Variants in SH3GL2 observed in about 807,000 individuals in gnomAD.
SH3GL2 encodes endophilin-A1.
In SH3GL2, 24 loss-of-function variants were observed where a neutral mutation model predicts 46.0. The observed-to-expected ratio is 0.52, with a 90% CI of 0.38 to 0.73. SH3GL2 has a LOEUF of 0.73. SH3GL2 is among the 30% of genes least tolerant of loss of function. The probability of loss-of-function intolerance (pLI) is 0.00; values close to 1 mark genes in which losing one functional copy is unlikely to be tolerated. For missense variants in SH3GL2, 413 were observed against 424.2 expected (o/e 0.97, Z 0.23); for synonymous variants, 196 against 147.1 (o/e 1.33, Z -2.40).
chr9:17,735,088 A>G (rs1483432543), intron 1 of SH3GL2, among the ~76,000 whole-genome samples: 1 of 152,062 alleles, frequency 6.6e-6, no homozygotes, highest in African/African-American at 2.4e-5. Flanking sequence ...TTGCCACATC[A>G]TGAGAAGGGG....
chr9:17,618,470 G>C (rs987576493), intron 1 of SH3GL2, among the ~76,000 whole-genome samples: 5 of 152,142 alleles, frequency 3.3e-5, no homozygotes, highest in Admixed American at 6.5e-5. Flanking sequence ...GTAAACTCAT[G>C]ACCCCTTATT....
chr9:17,786,993 C>A (rs1023418486), intron 4 of SH3GL2, among the ~76,000 whole-genome samples: 2 of 152,122 alleles, frequency 1.3e-5, no homozygotes, highest in African/African-American at 4.8e-5. Flanking sequence ...GCTACCACAC[C>A]CAACATCTTC....
chr9:17,717,646 G>T (rs115703941), intron 1 of SH3GL2, among the ~76,000 whole-genome samples: 1 of 152,062 alleles, frequency 6.6e-6, no homozygotes, highest in African/African-American at 2.4e-5. Context: ...CAGACAAAGC[G>T]GGGGAAGAGA....
intron 2 of SH3GL2, among the ~76,000 whole-genome samples, chr9:17,751,016 T>C (rs1203317929): frequency 6.6e-6 from 1 of 152,200 alleles, no homozygotes; most frequent in Non-Finnish European, 1.5e-5. Flanking sequence ...AACATGTCTC[T>C]TGTCCCTGAT....
chr9:17,582,365 CT>C (rs1421269370), intron 1 of SH3GL2, among the ~76,000 whole-genome samples: 3 of 152,078 alleles, frequency 2.0e-5, no homozygotes, highest in African/African-American at 2.4e-5. Context: ...ATAAAGTATT[CT>C]TTTTTTACTG....
chr9:17,766,169 C>A (rs913272097), intron 3 of SH3GL2, among the ~76,000 whole-genome samples: 18 of 152,182 alleles, frequency 1.2e-4, no homozygotes, highest in African/African-American at 3.6e-4. Flanking sequence ...GGCTTCACAG[C>A]TAATTCCTCC....
chr9:17,583,189 A>G (rs1293931997), intron 1 of SH3GL2, among the ~76,000 whole-genome samples: 1 of 152,200 alleles, frequency 6.6e-6, no homozygotes. Flanking sequence ...CAGCCTATAA[A>G]TAACATATAA....
intron 1 of SH3GL2, among the ~76,000 whole-genome samples, chr9:17,667,909 G>C (rs544556011): frequency 6.6e-6 from 1 of 152,296 alleles, no homozygotes; most frequent in South Asian, 2.1e-4. Flanking sequence ...GACTAAGGAT[G>C]TTGAGCATCT....
Position 17,730,184 on chromosome 9 carries a change from G to A in SH3GL2, c.46-16882G>A, listed in dbSNP as rs186944903. On this transcript the variant is annotated intron_variant, in intron 1 of 8. Coordinates refer to ENST00000380607, the MANE Select transcript of SH3GL2 (RefSeq NM_003026.5). ...TTTGAAGAGGTCCTTCACATCCCTT[G>A]TAAGTTGGATTCCTAGGCTTTTTAT... Among the ~76,000 whole-genome samples, 175 of 152,232 alleles carry A rather than the reference G, an allele frequency of 1.1e-3. 1 individual carries two copies. The highest frequency in any genetic ancestry group is 4.0e-3 in the African/African-American group (165 of 41,534).
chr9:17,620,165 A>G (rs1819104505), intron 1 of SH3GL2, among the ~76,000 whole-genome samples: 1 of 152,224 alleles, frequency 6.6e-6, no homozygotes, highest in Admixed American at 6.5e-5. Flanking sequence ...TCACATTGTT[A>G]TGAAGAGCTG....
At chr9:17,696,460 A>G (rs951430992) in intron 1 of SH3GL2, among the ~76,000 whole-genome samples, 2 of 152,172 alleles carry the variant, frequency 1.3e-5, no homozygotes, top group African/African-American at 4.8e-5. Flanking sequence ...AGATGGAGTA[A>G]TTTATGAACA....
chr9:17,704,018 A>C (rs541434943), intron 1 of SH3GL2, among the ~76,000 whole-genome samples: 1 of 152,104 alleles, frequency 6.6e-6, no homozygotes, highest in Non-Finnish European at 1.5e-5. Context: ...TTTGTAGACC[A>C]TATGGTTCTA....
intron 1 of SH3GL2, among the ~76,000 whole-genome samples, chr9:17,626,741 C>T (rs904183945): frequency 6.6e-6 from 1 of 151,586 alleles, no homozygotes; most frequent in African/African-American, 2.4e-5. Context: ...TTCTTGTGGA[C>T]ATTTGACAGT....
chr9:17,737,217 G>C (rs113161699), intron 1 of SH3GL2, among the ~76,000 whole-genome samples: 37 of 152,166 alleles, frequency 2.4e-4, no homozygotes, highest in African/African-American at 8.4e-4. Context: ...TGGGGGGCTA[G>C]GGGAGGGATA....
intron 1 of SH3GL2, among the ~76,000 whole-genome samples, chr9:17,668,652 A>ATTTATTTTAT (rs3084638): frequency 1.3e-4 from 20 of 151,434 alleles, no homozygotes; most frequent in South Asian, 6.3e-4. Flanking sequence ...TCTCAGAACC[A>ATTTATTTTAT]TTTATTTTAT....
At chr9:17,660,044 G>A (rs1285612990) in intron 1 of SH3GL2, among the ~76,000 whole-genome samples, 2 of 152,160 alleles carry the variant, frequency 1.3e-5, no homozygotes, top group African/African-American at 4.8e-5. Flanking sequence ...CACCTATTGG[G>A]CTATGTGGAC....
intron 1 of SH3GL2, among the ~76,000 whole-genome samples, chr9:17,690,812 T>C (rs1312761409): frequency 6.6e-6 from 1 of 152,158 alleles, no homozygotes; most frequent in Non-Finnish European, 1.5e-5. Flanking sequence ...CTCCATATCA[T>C]GAGAATCATT....
chr9:17,587,709 C>T (rs1375771871), intron 1 of SH3GL2, among the ~76,000 whole-genome samples: 1 of 152,140 alleles, frequency 6.6e-6, no homozygotes, highest in Non-Finnish European at 1.5e-5. Flanking sequence ...GAAGCCGCTT[C>T]TCTACTAAAA....
At chr9:17,729,323 T>G (rs770757459) in intron 1 of SH3GL2, among the ~76,000 whole-genome samples, 3 of 152,112 alleles carry the variant, frequency 2.0e-5, no homozygotes, top group African/African-American at 7.2e-5. Flanking sequence ...TTTTTTTTTC[T>G]TGTAAATTTG....
Sources: allele counts gnomAD v4.1 joint callset (sites outside exome capture counted in the v4.1 genomes callset), GRCh38; gene constraint gnomAD v4.1.1; transcripts MANE v1.5; gene names NCBI Gene and HGNC (gene_info 2026-07-23, HGNC 2026-07-21).